GRIK4: variants seen among roughly 807,000 people sequenced by gnomAD.
GRIK4 encodes the protein glutamate ionotropic receptor kainate type subunit 4, also known as glutamate receptor ionotropic, kainate 4.
Under a neutral mutation model 104.9 loss-of-function variants are expected in GRIK4, and 40 were observed. That is an observed-to-expected ratio of 0.38 (90% CI 0.30 to 0.50). GRIK4 has a LOEUF of 0.50. Ranked by LOEUF, GRIK4 falls within the 20% of genes least tolerant of loss-of-function variation. The probability of loss-of-function intolerance (pLI) is 0.93; values close to 1 mark genes in which losing one functional copy is unlikely to be tolerated. For synonymous variants in GRIK4, 485 were observed against 524.9 expected (o/e 0.92, Z 1.04); for missense variants, 1,047 against 1,308.1 (o/e 0.80, Z 3.08).
chr11:120,772,249 T>G (rs1161685469), intron 3 of GRIK4, among the ~76,000 whole-genome samples: 1 of 152,152 alleles, frequency 6.6e-6, no homozygotes, highest in African/African-American at 2.4e-5. Flanking sequence ...AAAAAAAACC[T>G]TAGAATGAGT....
intron 1 of GRIK4, among the ~76,000 whole-genome samples, chr11:120,592,536 GC>G (rs1431741268): frequency 6.6e-6 from 1 of 152,152 alleles, no homozygotes; most frequent in Non-Finnish European, 1.5e-5. Context: ...AATGCAGGGG[GC>G]TTTTGAGATT....
chr11:120,577,809 T>G (rs937692046), intron 1 of GRIK4, among the ~76,000 whole-genome samples: 1 of 151,646 alleles, frequency 6.6e-6, no homozygotes, highest in Non-Finnish European at 1.5e-5. Flanking sequence ...GGCAGGTGGG[T>G]GTTTAGCTGG....
At chr11:120,536,492 G>A (rs1260806062) in intron 1 of GRIK4, among the ~76,000 whole-genome samples, 1 of 152,188 alleles carries the variant, frequency 6.6e-6, no homozygotes, top group Non-Finnish European at 1.5e-5. Flanking sequence ...ATTGGACCTG[G>A]AACATTGATT....
At chr11:120,864,579 A>G (rs879354443) in intron 9 of GRIK4, among the ~76,000 whole-genome samples, 3 of 152,204 alleles carry the variant, frequency 2.0e-5, no homozygotes, top group Non-Finnish European at 4.4e-5. Flanking sequence ...TTGCAGTACA[A>G]TATCAAGAAA....
intron 3 of GRIK4, among the ~76,000 whole-genome samples, chr11:120,779,595 G>C (rs1473576409): frequency 6.6e-6 from 1 of 152,206 alleles, no homozygotes; most frequent in African/African-American, 2.4e-5. Flanking sequence ...AAGTCGTGGT[G>C]AAATTGGTCA....
At position 120,867,274 on chromosome 11, in the gene GRIK4, G is replaced by T. The variant is rs545765652; in HGVS notation, c.906+5154G>T. Among the ~76,000 whole-genome samples the T allele has an allele frequency of 7.9e-5, 12 of 152,238 alleles. No homozygotes were observed. The South Asian group carries it at 2.1e-3, about 26-fold the overall frequency. The stretch of plus-strand genomic sequence containing the variant: ...AAGTGGTGCCTCTTCCTGTCTCTTT[G>T]GGGGCTGAGAAATTCACAGCACAAA... On this transcript the variant is annotated intron_variant, in intron 9 of 20. Transcript: ENST00000527524.
chr11:120,557,310 C>A (rs7104138), intron 1 of GRIK4, among the ~76,000 whole-genome samples: 1 of 152,168 alleles, frequency 6.6e-6, no homozygotes, highest in Non-Finnish European at 1.5e-5. Flanking sequence ...GCTCTAGGTC[C>A]GCTGCCTTGG....
intron 3 of GRIK4, among the ~76,000 whole-genome samples, chr11:120,741,466 G>C (rs1381987005): frequency 6.6e-6 from 1 of 151,818 alleles, no homozygotes; most frequent in Non-Finnish European, 1.5e-5. Flanking sequence ...TTTTAGTAGA[G>C]ATGGGGTTTC....
At chr11:120,945,887 T>C (rs953492180) in intron 14 of GRIK4, among the ~76,000 whole-genome samples, 7 of 152,250 alleles carry the variant, frequency 4.6e-5, no homozygotes, top group African/African-American at 1.7e-4. Context: ...AGGCTATATA[T>C]AGATGGTCCA....
intron 3 of GRIK4, among the ~76,000 whole-genome samples, chr11:120,693,918 G>T (rs114428118): frequency 0.047 from 7,152 of 152,020 alleles, 336 homozygotes; most frequent in African/African-American, 0.12. Context: ...TGAGACAAGG[G>T]CGTCACCTTT....
intron 9 of GRIK4, among the ~76,000 whole-genome samples, chr11:120,864,401 T>C (rs981164409): frequency 2.5e-4 from 38 of 151,926 alleles, no homozygotes; most frequent in Non-Finnish European, 4.1e-4. Context: ...CCACCGTGCC[T>C]GGCTAATTTT....
intron 3 of GRIK4, among the ~76,000 whole-genome samples, chr11:120,668,972 A>C (rs550451634): frequency 6.6e-6 from 1 of 152,334 alleles, no homozygotes; most frequent in South Asian, 2.1e-4. Context: ...TCTGTAATTG[A>C]TAATAGTACT....
intron 1 of GRIK4, among the ~76,000 whole-genome samples, chr11:120,552,910 G>C (rs1051157768): frequency 6.6e-6 from 1 of 151,560 alleles, no homozygotes. Context: ...TGAGGCAGGA[G>C]AATCACTGGA....
chr11:120,548,125 T>C (rs1182580108), intron 1 of GRIK4, among the ~76,000 whole-genome samples: 4 of 152,254 alleles, frequency 2.6e-5, no homozygotes, highest in Admixed American at 2.0e-4. Context: ...CCCGAATCAA[T>C]TGCAGGCCTG....
At chr11:120,794,347 T>G (rs1041753046) in intron 3 of GRIK4, among the ~76,000 whole-genome samples, 2 of 151,042 alleles carry the variant, frequency 1.3e-5, no homozygotes, top group Non-Finnish European at 3.0e-5. Flanking sequence ...GTTTTGAGGG[T>G]AAGGGTGGTG....
At chr11:120,962,355 A>G in intron 17 of GRIK4, 101 bp from the exon 18 acceptor site, 1 of 715,592 alleles carries the variant, frequency 1.4e-6, no homozygotes, top group Non-Finnish European at 2.4e-6. Context: ...GTGGAGAAGC[A>G]GAAGGGCCGG....
intron 13 of GRIK4, among the ~76,000 whole-genome samples, chr11:120,924,432 T>C (rs919506504): frequency 6.6e-6 from 1 of 152,070 alleles, no homozygotes; most frequent in African/African-American, 2.4e-5. Flanking sequence ...TAAAAAAATA[T>C]ATATTGAAAT....
At chr11:120,722,626 A>C (rs887841919) in intron 3 of GRIK4, among the ~76,000 whole-genome samples, 2 of 148,374 alleles carry the variant, frequency 1.3e-5, no homozygotes, top group African/African-American at 4.9e-5. Flanking sequence ...AAAAAAAAAA[A>C]GATTTTGGGG....
intron 8 of GRIK4, among the ~76,000 whole-genome samples, chr11:120,845,305 C>G (rs1953823556): frequency 6.6e-6 from 1 of 152,160 alleles, no homozygotes; most frequent in Admixed American, 6.5e-5. Context: ...AACCTGTTGG[C>G]CTATCAGTTT....
Sources: gnomAD v4.1 joint callset for allele counts (sites outside exome capture counted in the v4.1 genomes callset) on GRCh38, gnomAD v4.1.1 for gene constraint, MANE v1.5 for transcripts, NCBI Gene and HGNC (gene_info 2026-07-23, HGNC 2026-07-21) for gene names.